The following DROSHA variants were observed in gnomAD, a reference collection of about 807,000 sequenced individuals.
DROSHA encodes ribonuclease 3.
Under a neutral mutation model 181.9 loss-of-function variants are expected in DROSHA, and 56 were observed. The ratio of observed to expected loss-of-function variants is 0.31; its 90% CI spans 0.25 to 0.38. The LOEUF (loss-of-function observed/expected upper bound fraction) is 0.38. Ranked by LOEUF, DROSHA falls within the 10% of genes least tolerant of loss-of-function variation. The pLI is 1.00. For missense variants in DROSHA, 1,218 were observed against 1,743.5 expected (o/e 0.70, Z 5.37); for synonymous variants, 524 against 591.2 (o/e 0.89, Z 1.65).
intron 35 of DROSHA, among the ~76,000 whole-genome samples, chr5:31,404,234 T>C (rs1003527782): frequency 6.6e-6 from 1 of 152,178 alleles, no homozygotes; most frequent in African/African-American, 2.4e-5. Context: ...TGTCTCAGAA[T>C]AGGTGATCTC....
Position 31,451,516 on chromosome 5 carries a change from A to C in DROSHA, c.2682+17T>G, listed in dbSNP as rs746937950. On this transcript the variant is annotated intron_variant, in intron 21 of 35. Transcript: ENST00000344624. ...CTATCTTGTTATTATGTGAGTTTAC[A>C]GGAGAATAATTCTTACCTGCAACAG... is the stretch of plus-strand genomic sequence containing the variant. The C allele has an allele frequency of 8.2e-6, 13 of 1,588,938 alleles. 1 individual carries two copies. In the South Asian group the frequency reaches 1.4e-4, roughly 17 times the overall value.
chr5:31,480,833 GA>G (rs1404026423), intron 16 of DROSHA, among the ~76,000 whole-genome samples: 1 of 152,116 alleles, frequency 6.6e-6, no homozygotes, highest in African/African-American at 2.4e-5. Context: ...ACTCACCACT[GA>G]AATTTTTTAA....
chr5:31,483,613 T>C lies in DROSHA; in HGVS notation c.2012A>G (p.Asp671Gly). 3 of 1,609,718 alleles carry C rather than the reference T, an allele frequency of 1.9e-6. No homozygotes were observed. The highest frequency in any genetic ancestry group is 2.5e-6 in the Non-Finnish European group (3 of 1,179,194). Residue 671 changes from aspartate to glycine, a missense_variant, in exon 16 of 36, where the codon GAC (aspartate) becomes GGC (glycine). By Grantham distance (94) the Asp-to-Gly change is moderately conservative. This residue lies in a region of DROSHA where 460 missense variants were observed against 774.2 expected (regional missense o/e 0.59). Transcript: ENST00000344624. ...AAATCTTGGGCAGCAGGGAGGGCTG[T>C]CTTCAAACAAAGGACCTGAAGCAAA... ...DWNLKGPLFE[D>G]SPPCCPRFHF...
chr5:31,504,512 T>C (rs372508412), intron 11 of DROSHA, 43 bp downstream of exon 11: 4 of 1,600,718 alleles, frequency 2.5e-6, no homozygotes, highest in African/African-American at 1.3e-5. Flanking sequence ...TGTCTACTTC[T>C]GGCTTCTCAG....
At position 31,483,622 on chromosome 5, in the gene DROSHA, A is replaced by G. The variant is rs1375577975; in HGVS notation, c.2003T>C (p.Leu668Ser). The change falls in exon 16 of 36, where the codon TTG (leucine) becomes TCG (serine). Residue 668 changes from leucine (L) to serine (S), a missense_variant. Coordinates refer to ENST00000344624, the MANE Select transcript of DROSHA (RefSeq NM_001382508.1). ...ELYDWNLKGP[L>S]FEDSPPCCPR... ...GCAGCAGGGAGGGCTGTCTTCAAAC[A>G]AAGGACCTGAAGCAAACAAATGAGA... 2.2e-5 allele frequency: 36 copies of G among 1,607,684 alleles called. No homozygotes were observed. Among genetic ancestry groups the G allele is most frequent in the Non-Finnish European group, 3.1e-5 (36 of 1,178,618 alleles).
At position 31,470,924 on chromosome 5, in the gene DROSHA, G is replaced by A. The variant is rs1346142096; in HGVS notation, c.2241+1139C>T. Among the ~76,000 whole-genome samples, 1 of 152,050 alleles carries A rather than the reference G, an allele frequency of 6.6e-6. No homozygotes were observed. The highest frequency in any genetic ancestry group is 1.5e-5 in the Non-Finnish European group (1 of 68,000). On this transcript the variant is annotated intron_variant, in intron 17 of 35. Coordinates refer to ENST00000344624, the MANE Select transcript of DROSHA (RefSeq NM_001382508.1). This position sits in a 1 kb window ranked among gnomAD's most constrained non-coding sequence, Gnocchi z 4.0. ...AGAGGGAATATCAATATATGCAACT[G>A]TTTTAAGAATAAAAATAGAATTCAC... is the stretch of plus-strand genomic sequence containing the variant.
At chr5:31,505,188 T>C (rs1737779159) in intron 10 of DROSHA, among the ~76,000 whole-genome samples, 1 of 152,164 alleles carries the variant, frequency 6.6e-6, no homozygotes, top group Non-Finnish European at 1.5e-5. Flanking sequence ...CCCACAAGGC[T>C]CCATAGGCAA....
chr5:31,511,290 A>G (rs1738638144), intron 8 of DROSHA, 114 bp from the exon 9 acceptor site: 2 of 1,047,670 alleles, frequency 1.9e-6, no homozygotes, highest in African/African-American at 1.6e-5. Flanking sequence ...CTATTTTTCA[A>G]CCCTAAATTT....
At chr5:31,421,457 G>T in intron 29 of DROSHA, 80 bp from the exon 30 acceptor site, 1 of 1,158,484 alleles carries the variant, frequency 8.6e-7, no homozygotes, top group Non-Finnish European at 1.3e-6. Context: ...TTTAAAAAAG[G>T]AATGACTTAA....
At chr5:31,507,897 G>A (rs971157765) in intron 10 of DROSHA, among the ~76,000 whole-genome samples, 2 of 152,116 alleles carry the variant, frequency 1.3e-5, no homozygotes, top group African/African-American at 2.4e-5. Flanking sequence ...ATTTCTGCCA[G>A]ACGTTCTATA....
Position 31,400,972 on chromosome 5 carries a change from T to G in DROSHA, c.*460A>C, listed in dbSNP as rs1360438811. The G allele has an allele frequency of 1.2e-5, 2 of 173,456 alleles. No homozygotes were observed. The highest frequency in any genetic ancestry group is 2.5e-5 in the Non-Finnish European group (2 of 81,316). 10.7% of individuals were successfully genotyped at this position (173,456 alleles called of 1,614,324 possible). A position where few individuals can be genotyped will look rare whatever the true frequency, so the allele number is the denominator to read the frequency against. On this transcript the variant is annotated 3_prime_UTR_variant, in exon 36 of 36. Coordinates refer to ENST00000344624, the MANE Select transcript of DROSHA (RefSeq NM_001382508.1). ...TCAATATTTGCAGCTGATAACTTGA[T>G]GAACAGCCACCGGATGAAAGCTGAA...
chr5:31,504,069 G>A (rs1200683637), intron 11 of DROSHA, among the ~76,000 whole-genome samples: 1 of 152,204 alleles, frequency 6.6e-6, no homozygotes, highest in African/African-American at 2.4e-5. Context: ...CAATGTAAAA[G>A]TGTTCTACCT....
intron 16 of DROSHA, among the ~76,000 whole-genome samples, chr5:31,474,878 C>T (rs1315543155): frequency 1.3e-5 from 2 of 152,154 alleles, no homozygotes; most frequent in Non-Finnish European, 2.9e-5. Context: ...AACCCAACCA[C>T]GATGATGCCC....
intron 11 of DROSHA, among the ~76,000 whole-genome samples, chr5:31,496,772 C>T (rs1312302730): frequency 2.0e-5 from 3 of 152,170 alleles, no homozygotes; most frequent in Admixed American, 6.5e-5. Context: ...AGATAGCTAC[C>T]GACTGTTACA....
At chr5:31,415,391 C>T (rs1204870779) in intron 30 of DROSHA, among the ~76,000 whole-genome samples, 1 of 152,142 alleles carries the variant, frequency 6.6e-6, no homozygotes, top group Non-Finnish European at 1.5e-5. Context: ...AGAAAAGGTA[C>T]ATAAATGCTA....
chr5:31,468,091 T>C (rs1263516224), intron 17 of DROSHA, 28 bp from the exon 18 acceptor site: 1 of 1,599,428 alleles, frequency 6.3e-7, no homozygotes, highest in East Asian at 2.2e-5. Flanking sequence ...AGCCATTTAT[T>C]CCCATAAGAA....
intron 14 of DROSHA, among the ~76,000 whole-genome samples, chr5:31,486,063 T>C (rs1423874239): frequency 6.6e-6 from 1 of 152,180 alleles, no homozygotes; most frequent in Non-Finnish European, 1.5e-5. Context: ...GAAAAACAAT[T>C]AGGAAAAATA....
At chr5:31,418,187 T>C (rs1160626282) in intron 30 of DROSHA, among the ~76,000 whole-genome samples, 1 of 152,106 alleles carries the variant, frequency 6.6e-6, no homozygotes, top group Non-Finnish European at 1.5e-5. Flanking sequence ...ACTGGGTCTC[T>C]ATCAATCACA....
Position 31,410,760 on chromosome 5 carries a change from G to A in DROSHA, c.3653C>T (p.Ala1218Val). 1 of 1,613,506 alleles carries A rather than the reference G, an allele frequency of 6.2e-7. No homozygotes were observed. The highest frequency in any genetic ancestry group is 8.5e-7 in the Non-Finnish European group (1 of 1,179,630). The part of the protein sequence containing the change: ...RPVALRTKTL[A>V]DLLESFIAAL... Reference sequence around the variant, plus strand: ...GTGGCACTCACATTCCAAAAGGTCCGCCAAGGTCTTGGTGCGAAGCGCCAC... The same window carrying A: ...GTGGCACTCACATTCCAAAAGGTCCACCAAGGTCTTGGTGCGAAGCGCCAC... Residue 1218 changes from alanine to valine, a missense_variant, in exon 31 of 36, where the codon GCG becomes GTG. Ala to Val is a moderately conservative substitution (Grantham distance 64). Coordinates refer to ENST00000344624, the MANE Select transcript of DROSHA (RefSeq NM_001382508.1).
Sources: allele counts gnomAD v4.1 joint callset (sites outside exome capture counted in the v4.1 genomes callset), GRCh38; gene constraint gnomAD v4.1.1; regional missense constraint gnomAD v4.1.1; non-coding constraint Gnocchi (gnomAD v3.1); transcripts MANE v1.5; gene names NCBI Gene and HGNC (gene_info 2026-07-23, HGNC 2026-07-21).